The following GRIP1 variants were observed in gnomAD, a reference collection of about 807,000 sequenced individuals.
The protein encoded by GRIP1 is glutamate receptor-interacting protein 1.
In GRIP1, 45 loss-of-function variants were observed where a neutral mutation model predicts 129.9. The observed-to-expected ratio is 0.35, with a 90% CI of 0.27 to 0.44. The LOEUF is 0.44. Ranked by LOEUF, GRIP1 falls within the 20% of genes least tolerant of loss-of-function variation. The pLI is 1.00. For missense variants in GRIP1, 1,196 were observed against 1,396.8 expected (o/e 0.86, Z 2.29); for synonymous variants, 530 against 520.8 (o/e 1.02, Z -0.24).
intron 2 of GRIP1, among the ~76,000 whole-genome samples, chr12:66,566,532 T>C (rs1032000108): frequency 5.9e-5 from 9 of 152,260 alleles, no homozygotes; most frequent in East Asian, 5.8e-4. Flanking sequence ...CAGTATTTTA[T>C]TGAGGATTTT....
intron 2 of GRIP1, among the ~76,000 whole-genome samples, chr12:66,562,723 G>A (rs2062583640): frequency 6.6e-6 from 1 of 151,996 alleles, no homozygotes; most frequent in South Asian, 2.1e-4. Flanking sequence ...TACAATGTTA[G>A]ATGCACCATC....
chr12:66,712,110 G>A (rs954714550), intron 1 of GRIP1, among the ~76,000 whole-genome samples: 7 of 151,798 alleles, frequency 4.6e-5, no homozygotes, highest in African/African-American at 7.3e-5. Context: ...AATCATATAC[G>A]TTTCTTAACA....
intron 2 of GRIP1, among the ~76,000 whole-genome samples, chr12:66,581,316 T>C (rs1246485161): frequency 6.6e-6 from 1 of 151,004 alleles, no homozygotes; most frequent in African/African-American, 2.4e-5. Flanking sequence ...AGATCCAAAA[T>C]TGACACCCTA....
At chr12:67,014,635 A>G (rs1260610686) in intron 1 of GRIP1, among the ~76,000 whole-genome samples, 1 of 152,106 alleles carries the variant, frequency 6.6e-6, no homozygotes, top group African/African-American at 2.4e-5. Context: ...GGTCCATTAT[A>G]TTTGAGAAAA....
chr12:66,445,436 G>A lies in GRIP1; in HGVS notation c.1427C>T (p.Thr476Met), dbSNP rs763341090. ...CCCAAATCCTGTGACAGGATCTGCC[G>A]TCAGCACAACCTCTGTGGTTTCTGT... Reference protein sequence around the residue: ...VHTETTEVVLTADPVTGFGIQ... With the variant: ...VHTETTEVVLMADPVTGFGIQ... The change falls in exon 12 of 25, where the codon ACG becomes ATG. Residue 476 changes from threonine to methionine, a missense_variant. Coordinates refer to ENST00000359742, the MANE Select transcript of GRIP1 (RefSeq NM_001366722.1). 46 of 1,613,904 alleles carry A rather than the reference G, an allele frequency of 2.9e-5. No homozygotes were observed. The highest frequency in any genetic ancestry group is 2.5e-5 in the Non-Finnish European group (30 of 1,179,864).
At chr12:66,746,153 A>G (rs1031620442) in intron 1 of GRIP1, among the ~76,000 whole-genome samples, 2 of 152,194 alleles carry the variant, frequency 1.3e-5, no homozygotes, top group Admixed American at 1.3e-4. Context: ...GGAAGGAAAC[A>G]TCAGAAATCT....
In GRIP1 at chr12:66,451,383, G is replaced by GTTTTTTTTTTTTTTTTT. The variant is rs1169331519; in HGVS notation, c.1354+4009_1354+4025dup. ...CCCCAAAGATTTATTATTATAATCT[G>GTTTTTTTTTTTTTTTTT]TTTTTTTTTTTTTTTTTTTTTTTTT... On this transcript the variant is annotated intron_variant, in intron 11 of 24. Coordinates refer to ENST00000359742, the MANE Select transcript of GRIP1 (RefSeq NM_001366722.1). Among the ~76,000 whole-genome samples the GTTTTTTTTTTTTTTTTT allele has an allele frequency of 5.2e-4, 22 of 42,656 alleles. 7 individuals carry two copies. The highest frequency in any genetic ancestry group is 5.4e-4 in the Non-Finnish European group (13 of 23,900). 28.0% of individuals were successfully genotyped at this position (42,656 alleles called of 152,430 possible).
At position 66,348,961 on chromosome 12, in the gene GRIP1, A is replaced by T; in HGVS notation, c.*58T>A. On this transcript the variant is annotated 3_prime_UTR_variant, in exon 25 of 25. Coordinates refer to ENST00000359742, the MANE Select transcript of GRIP1 (RefSeq NM_001366722.1). ...GTGCTTCAAAGGTCACAGAAATCTT[A>T]AAGGATTTTTAGCACCATGTAGATA... is the stretch of plus-strand genomic sequence containing the variant. The T allele has an allele frequency of 8.2e-7, 1 of 1,218,468 alleles. No individual in the cohort carries two copies. The highest frequency in any genetic ancestry group is 1.2e-6 in the Non-Finnish European group (1 of 818,330). 75.5% of individuals were successfully genotyped at this position (1,218,468 alleles called of 1,614,324 possible).
At chr12:66,403,573 A>C (rs7307368) in intron 16 of GRIP1, among the ~76,000 whole-genome samples, 9,563 of 152,236 alleles carry the variant, frequency 0.063, 816 homozygotes, top group African/African-American at 0.19. Flanking sequence ...GAATGAGTAT[A>C]TATTTCTGTA....
At chr12:66,787,536 G>A (rs2038390736) in intron 1 of GRIP1, among the ~76,000 whole-genome samples, 2 of 152,142 alleles carry the variant, frequency 1.3e-5, no homozygotes, top group South Asian at 4.1e-4. Flanking sequence ...ATTAAGAAGT[G>A]AAGCCTTGGG....
intron 1 of GRIP1, among the ~76,000 whole-genome samples, chr12:66,860,388 T>C (rs189928725): frequency 6.6e-6 from 1 of 152,118 alleles, no homozygotes; most frequent in East Asian, 1.9e-4. Flanking sequence ...ACTTGGAGCA[T>C]TCGTCTCTTA....
intron 2 of GRIP1, among the ~76,000 whole-genome samples, chr12:66,553,432 G>T (rs973111097): frequency 6.6e-6 from 1 of 151,756 alleles, no homozygotes; most frequent in Non-Finnish European, 1.5e-5. Context: ...AGCAGTAAAT[G>T]ATGTAGACTT....
chr12:66,636,426 C>T (rs1201061752), intron 1 of GRIP1, among the ~76,000 whole-genome samples: 5 of 152,136 alleles, frequency 3.3e-5, no homozygotes, highest in Admixed American at 1.3e-4. Context: ...TGAATGTTTA[C>T]CAACAACCAC....
intron 1 of GRIP1, among the ~76,000 whole-genome samples, chr12:66,636,699 G>C (rs1056580312): frequency 6.7e-6 from 1 of 148,940 alleles, no homozygotes; most frequent in Non-Finnish European, 1.5e-5. Flanking sequence ...ATAAAACAGG[G>C]GGAGACATTA....
chr12:66,454,478 A>G (rs745695708), intron 11 of GRIP1, among the ~76,000 whole-genome samples: 1 of 152,234 alleles, frequency 6.6e-6, no homozygotes, highest in Non-Finnish European at 1.5e-5. Context: ...GTCTAGTTAG[A>G]AAGGTCAGTG....
At chr12:67,007,987 CAG>C (rs1331040852) in intron 1 of GRIP1, among the ~76,000 whole-genome samples, 3 of 152,136 alleles carry the variant, frequency 2.0e-5, no homozygotes, top group Non-Finnish European at 4.4e-5. Context: ...TAGGAACCCA[CAG>C]AGTTTTTGCA....
chr12:66,640,423 T>C (rs1212598963), intron 1 of GRIP1, among the ~76,000 whole-genome samples: 1 of 152,158 alleles, frequency 6.6e-6, no homozygotes, highest in Non-Finnish European at 1.5e-5. Context: ...TTAAACAGAT[T>C]CCTGATTTCT....
chr12:66,537,904 G>A (rs1446816573), intron 4 of GRIP1, among the ~76,000 whole-genome samples: 4 of 152,174 alleles, frequency 2.6e-5, no homozygotes, highest in Admixed American at 2.6e-4. Flanking sequence ...GGAAAAACTG[G>A]TGCCGCTGTT....
chr12:66,960,312 C>T (rs971380921), intron 1 of GRIP1, among the ~76,000 whole-genome samples: 7 of 151,948 alleles, frequency 4.6e-5, no homozygotes, highest in African/African-American at 1.2e-4. Flanking sequence ...GCTGTACATA[C>T]GGAGAGAAGG....
Sources: allele counts gnomAD v4.1 joint callset (sites outside exome capture counted in the v4.1 genomes callset), GRCh38; gene constraint gnomAD v4.1.1; transcripts MANE v1.5; gene names NCBI Gene and HGNC (gene_info 2026-07-23, HGNC 2026-07-21).